The following COL28A1 variants were observed in gnomAD, a reference collection of about 807,000 sequenced individuals.
The protein encoded by COL28A1 is collagen alpha-1(XXVIII) chain.
COL28A1 carries 161 observed loss-of-function variants against 150.2 expected under a neutral mutation model. The ratio of observed to expected loss-of-function variants is 1.07; its 90% CI spans 0.94 to 1.22. The LOEUF (loss-of-function observed/expected upper bound fraction) is 1.22. Among genes scored for constraint, COL28A1 ranks in the 50% most tolerant of loss-of-function variants. COL28A1 has a pLI of 0.00. For missense variants in COL28A1, 1,617 were observed against 1,388.3 expected, an observed-to-expected ratio of 1.16 and a Z score of -2.62; for synonymous variants, 552 against 469.7, an observed-to-expected ratio of 1.18 and a Z score of -2.26.
At chr7:7,490,701 A>G (rs1489573207) in intron 11 of COL28A1, 55 bp from the exon 12 acceptor site, 3 of 817,242 alleles carry the variant, frequency 3.7e-6, no homozygotes, top group Non-Finnish European at 6.3e-6. Flanking sequence ...AATAGTATTG[A>G]CTAAGCAGCT....
At chr7:7,349,761 T>C in the COL28A1 span, among the ~76,000 whole-genome samples, 1 of 152,130 alleles carries the variant, frequency 6.6e-6, no homozygotes. Flanking sequence ...ATATTTTATC[T>C]GTTTTTGGTT....
rs1779790846 is a variant in COL28A1 at position 7,489,319 on chromosome 7, T to C, written c.1164+70A>G. 7.1e-6 allele frequency: 6 copies of C among 846,088 alleles called. 1 individual carries two copies. The highest frequency in any genetic ancestry group is 6.8e-5 in the South Asian group (5 of 73,742). 52.4% of individuals were successfully genotyped at this position (846,088 alleles called of 1,614,324 possible). A position where few individuals can be genotyped will look rare whatever the true frequency, so the allele number is the denominator to read the frequency against. On this transcript the variant is annotated intron_variant, in intron 13 of 34. Coordinates refer to ENST00000399429, the MANE Select transcript of COL28A1 (RefSeq NM_001037763.3). The stretch of plus-strand genomic sequence containing the variant: ...CAAGGTGGATTAATCTGACCATTTA[T>C]CCTAAACAGAAAGAACAAGTAAAAA...
At chr7:7,514,737 G>A (rs1781327941) in intron 8 of COL28A1, among the ~76,000 whole-genome samples, 2 of 152,258 alleles carry the variant, frequency 1.3e-5, no homozygotes, top group East Asian at 1.9e-4. Context: ...ATAGCCCCCT[G>A]CAGCCTGGCC....
the COL28A1 span, among the ~76,000 whole-genome samples, chr7:7,542,569 A>G: frequency 6.6e-6 from 1 of 152,238 alleles, no homozygotes; most frequent in Non-Finnish European, 1.5e-5. Flanking sequence ...AGACTTACAC[A>G]GAGGGCACCC....
chr7:7,459,805 G>C (rs1222925708), intron 15 of COL28A1, among the ~76,000 whole-genome samples: 1 of 152,200 alleles, frequency 6.6e-6, no homozygotes, highest in Admixed American at 6.5e-5. Context: ...TGAACAATTT[G>C]ACAAATCATC....
chr7:7,528,532 T>A (rs1446031266), intron 3 of COL28A1, among the ~76,000 whole-genome samples: 1 of 152,216 alleles, frequency 6.6e-6, no homozygotes, highest in East Asian at 1.9e-4. Flanking sequence ...CTCGTGTCCA[T>A]TAAATTCAAC....
At chr7:7,526,488 G>A (rs1782031295) in intron 3 of COL28A1, among the ~76,000 whole-genome samples, 1 of 152,132 alleles carries the variant, frequency 6.6e-6, no homozygotes, top group Admixed American at 6.5e-5. Flanking sequence ...GGGAGAAAGA[G>A]AGAGAAAAGA....
upstream of COL28A1, among the ~76,000 whole-genome samples, chr7:7,540,678 AATTTAT>A (rs1199023500): frequency 6.6e-6 from 1 of 152,204 alleles, no homozygotes; most frequent in East Asian, 1.9e-4. Context: ...TATGGCTAAT[AATTTAT>A]ATTTATAAGG....
At chr7:7,524,558 A>C (rs1781917895) in intron 3 of COL28A1, among the ~76,000 whole-genome samples, 1 of 152,164 alleles carries the variant, frequency 6.6e-6, no homozygotes, top group East Asian at 1.9e-4. Context: ...TTTGACTATA[A>C]AGTTAATCAG....
chr7:7,359,465 T>G (rs2159710), intron 34 of COL28A1, among the ~76,000 whole-genome samples: 101,689 of 152,008 alleles, frequency 0.67, 37,177 homozygotes, highest in East Asian at 0.88. Flanking sequence ...AAAGCCACAT[T>G]GTCCTAATAA....
intron 2 of COL28A1, among the ~76,000 whole-genome samples, 166 bp downstream of exon 2, chr7:7,532,586 G>T (rs145515779): frequency 9.9e-5 from 15 of 151,978 alleles, no homozygotes; most frequent in African/African-American, 3.6e-4. Flanking sequence ...ACTCTGATGT[G>T]CTATAAGTAT....
chr7:7,354,803 T>C (rs891330991), downstream of COL28A1, among the ~76,000 whole-genome samples: 6 of 152,192 alleles, frequency 3.9e-5, no homozygotes, highest in Admixed American at 6.5e-5. Flanking sequence ...CCTGACTTCC[T>C]GGGAATGTAA....
In COL28A1 at chr7:7,531,375, G is replaced by T; in HGVS notation, c.654C>A (p.Thr218=). The change falls in exon 3 of 35, where the codon ACC becomes ACA. Residue 218 remains threonine (T), a synonymous_variant. Coordinates refer to ENST00000399429, the MANE Select transcript of COL28A1 (RefSeq NM_001037763.3). ...GACGATCTTGAATTTTATCTACAAGGGTTGGATCACTCAACAGTAAAGTGG... is the reference window on the plus strand; with the variant it reads ...GACGATCTTGAATTTTATCTACAAGTGTTGGATCACTCAACAGTAAAGTGG... ...SEPTLLLSDP[T]LVDKIQDRLD... 1.9e-6 allele frequency: 3 copies of T among 1,563,290 alleles called. No individual in the cohort carries two copies.
Position 7,494,543 on chromosome 7 carries a change from C to T in COL28A1, c.1027-3897G>A, listed in dbSNP as rs753848665. ...GATATTGTCTGCAAAACATCTAAGT[C>T]ATAACCAGTCACACAACACCTGTTT... On this transcript the variant is annotated intron_variant, in intron 11 of 34. Transcript: ENST00000399429. Among the ~76,000 whole-genome samples, 4 of 152,172 alleles carry T rather than the reference C, an allele frequency of 2.6e-5. No homozygotes were observed. In the East Asian group the frequency reaches 5.8e-4, roughly 22 times the overall value.
intron 27 of COL28A1, chr7:7,417,548 G>GAGAGAGGGAGAGACAGA (rs1277932744): frequency 3.1e-5 from 1 of 32,626 alleles, no homozygotes; most frequent in African/African-American, 2.8e-4. Context: ...GAGGGGGGGG[G>GAGAGAGGGAGAGACAGA]GAGAGAGAGA....
chr7:7,360,240 G>T, intron 34 of COL28A1, 150 bp downstream of exon 34: 1 of 693,388 alleles, frequency 1.4e-6, no homozygotes, highest in Non-Finnish European at 2.2e-6. Flanking sequence ...TGCTTGTTTA[G>T]AATCATAACA....
chr7:7,399,081 T>C (rs1322346339), intron 27 of COL28A1, among the ~76,000 whole-genome samples: 1 of 152,138 alleles, frequency 6.6e-6, no homozygotes, highest in Non-Finnish European at 1.5e-5. Flanking sequence ...CATATCTACT[T>C]TCTACAGTTT....
At chr7:7,486,290 T>C (rs1779618888) in intron 13 of COL28A1, among the ~76,000 whole-genome samples, 1 of 152,228 alleles carries the variant, frequency 6.6e-6, no homozygotes, top group Non-Finnish European at 1.5e-5. Context: ...ATGTTGATAT[T>C]GTACCCTGTG....
At chr7:7,517,587 G>C (rs746187163) in intron 7 of COL28A1, among the ~76,000 whole-genome samples, 2 of 152,104 alleles carry the variant, frequency 1.3e-5, no homozygotes, top group African/African-American at 4.8e-5. Flanking sequence ...GAACACTCCT[G>C]CTCCCATTTT....
Sources: allele counts gnomAD v4.1 joint callset (sites outside exome capture counted in the v4.1 genomes callset), GRCh38; gene constraint gnomAD v4.1.1; transcripts MANE v1.5; gene names NCBI Gene and HGNC (gene_info 2026-07-23, HGNC 2026-07-21).